Variants in FAM81A observed in about 807,000 individuals in gnomAD.
FAM81A encodes family with sequence similarity 81 member A, also known as protein FAM81A.
In FAM81A, 19 loss-of-function variants were observed where a neutral mutation model predicts 46.7. The ratio of observed to expected loss-of-function variants is 0.41; its 90% confidence interval spans 0.28 to 0.60. FAM81A has a LOEUF of 0.60. Ranked by LOEUF, FAM81A falls within the 20% of genes least tolerant of loss-of-function variation. The probability of loss-of-function intolerance (pLI) is 0.34; values close to 1 mark genes in which losing one functional copy is unlikely to be tolerated. For synonymous variants in FAM81A, 183 were observed against 152.9 expected, an observed-to-expected ratio of 1.20 and a Z score of -1.45; for missense variants, 377 against 453.5, an observed-to-expected ratio of 0.83 and a Z score of 1.53.
intron 2 of FAM81A, among the ~76,000 whole-genome samples, chr15:59,419,826 C>T (rs543091064): frequency 9.2e-5 from 14 of 151,424 alleles, no homozygotes; most frequent in African/African-American, 1.9e-4. Flanking sequence ...TGCAGGGAGC[C>T]GAGATCACAC....
chr15:59,478,293 G>T (rs137945962), intron 3 of FAM81A, among the ~76,000 whole-genome samples: 2 of 152,322 alleles, frequency 1.3e-5, no homozygotes, highest in African/African-American at 4.8e-5. Context: ...CTTTAACCTA[G>T]TTGGGTTATG....
intron 6 of FAM81A, among the ~76,000 whole-genome samples, chr15:59,513,875 A>T (rs991268035): frequency 2.0e-5 from 3 of 152,250 alleles, no homozygotes; most frequent in Non-Finnish European, 4.4e-5. Context: ...GTACTTATAT[A>T]GCATGGAATA....
At chr15:59,411,786 A>G (rs1293463042) in intron 2 of FAM81A, among the ~76,000 whole-genome samples, 1 of 152,120 alleles carries the variant, frequency 6.6e-6, no homozygotes, top group African/African-American at 2.4e-5. Flanking sequence ...CATGGCAGGC[A>G]CCTGTAGTCC....
chr15:59,438,239 C>T lies in FAM81A; in HGVS notation c.-121C>T, dbSNP rs2081257705. On this transcript the variant is annotated 5_prime_UTR_variant, in exon 1 of 9. Transcript: ENST00000288228. ...CAGCGGCCGCCGCACCCAGCCGCGC[C>T]GGCGAGGACATGGGCAGCCGCGGCG... 1 of 149,236 alleles carries T rather than the reference C, an allele frequency of 6.7e-6. No individual in the cohort carries two copies. The highest frequency in any genetic ancestry group is 2.1e-4 in the South Asian group (1 of 4,826). The allele number at this position is 149,236 out of a possible 1,614,324, so 9.2% of individuals were successfully genotyped here.
chr15:59,505,929 G>A (rs1369478101), intron 4 of FAM81A, among the ~76,000 whole-genome samples: 2 of 152,036 alleles, frequency 1.3e-5, no homozygotes, highest in Admixed American at 6.6e-5. Context: ...TGAATGTCTG[G>A]CCATCTCTTA....
At chr15:59,404,620 C>A (rs2081086428) in intron 2 of FAM81A, among the ~76,000 whole-genome samples, 2 of 152,184 alleles carry the variant, frequency 1.3e-5, no homozygotes, top group South Asian at 4.1e-4. Context: ...CTACACCCAC[C>A]TCATTTTTGT....
intron 2 of FAM81A, among the ~76,000 whole-genome samples, chr15:59,405,484 G>A (rs2081090077): frequency 3.3e-5 from 5 of 151,996 alleles, no homozygotes; most frequent in Non-Finnish European, 1.5e-5. Context: ...GTACTAAAAA[G>A]ATGAAAATTA....
intron 2 of FAM81A, among the ~76,000 whole-genome samples, chr15:59,404,226 T>G (rs1417973033): frequency 6.6e-6 from 1 of 151,834 alleles, no homozygotes; most frequent in Non-Finnish European, 1.5e-5. Flanking sequence ...ACCCATTGAT[T>G]CTCAGGGCAA....
intron 1 of FAM81A, among the ~76,000 whole-genome samples, chr15:59,398,905 C>G (rs2081058635): frequency 6.6e-6 from 1 of 151,840 alleles, no homozygotes; most frequent in Admixed American, 6.6e-5. Context: ...TATGATGGCT[C>G]ACGCCTGTAA....
intron 1 of FAM81A, among the ~76,000 whole-genome samples, chr15:59,440,681 C>A (rs953379513): frequency 6.6e-6 from 1 of 152,158 alleles, no homozygotes; most frequent in Non-Finnish European, 1.5e-5. Context: ...CTGATACTAC[C>A]CACATACTGC....
intron 3 of FAM81A, among the ~76,000 whole-genome samples, chr15:59,461,669 G>A (rs892195796): frequency 6.6e-6 from 1 of 152,044 alleles, no homozygotes; most frequent in Non-Finnish European, 1.5e-5. Flanking sequence ...ACATATCCTA[G>A]CATGTATCAT....
chr15:59,469,696 G>T (rs2081660229), intron 3 of FAM81A, among the ~76,000 whole-genome samples: 1 of 151,922 alleles, frequency 6.6e-6, no homozygotes, highest in African/African-American at 2.4e-5. Flanking sequence ...CTTTTAATTG[G>T]GGCATTTAGC....
upstream of FAM81A, among the ~76,000 whole-genome samples, chr15:59,435,668 C>G (rs1217911919): frequency 6.6e-6 from 1 of 152,138 alleles, no homozygotes; most frequent in Non-Finnish European, 1.5e-5. Context: ...GCATAATATA[C>G]TGAACAAATT....
intron 2 of FAM81A, among the ~76,000 whole-genome samples, chr15:59,410,925 A>G (rs74575890): frequency 0.017 from 2,641 of 152,040 alleles, 85 homozygotes; most frequent in African/African-American, 0.061. Flanking sequence ...TAATTTTTGT[A>G]TTTTTAGTAG....
chr15:59,447,979 T>TGGTCAAGCAGTCTTCC (rs1667521592), intron 1 of FAM81A, among the ~76,000 whole-genome samples: 1 of 152,128 alleles, frequency 6.6e-6, no homozygotes, highest in African/African-American at 2.4e-5. Flanking sequence ...TGCTGGCCCA[T>TGGTCAAGCAGTCTTCC]GGTCAAGCAG....
At chr15:59,449,589 G>C (rs1473856982) in intron 1 of FAM81A, among the ~76,000 whole-genome samples, 1 of 151,990 alleles carries the variant, frequency 6.6e-6, no homozygotes, top group Non-Finnish European at 1.5e-5. Flanking sequence ...AGACCATCCT[G>C]GCTAACACAG....
At chr15:59,503,154 A>G (rs2082112811) in intron 4 of FAM81A, among the ~76,000 whole-genome samples, 1 of 149,428 alleles carries the variant, frequency 6.7e-6, no homozygotes, top group African/African-American at 2.5e-5. Context: ...AGGCAGGACA[A>G]TCGCTTGAGC....
At chr15:59,413,323 C>T (rs887047606) in intron 2 of FAM81A, among the ~76,000 whole-genome samples, 1 of 151,768 alleles carries the variant, frequency 6.6e-6, no homozygotes, top group Non-Finnish European at 1.5e-5. Context: ...AGGGCCCAGT[C>T]AGGGAGGTGG....
chr15:59,431,973 A>T (rs2081222478), intron 2 of FAM81A, among the ~76,000 whole-genome samples: 1 of 152,222 alleles, frequency 6.6e-6, no homozygotes, highest in Non-Finnish European at 1.5e-5. Flanking sequence ...CAAATATGGG[A>T]GGGAAAACAA....
Sources: allele counts gnomAD v4.1 joint callset (sites outside exome capture counted in the v4.1 genomes callset), GRCh38; gene constraint gnomAD v4.1.1; transcripts MANE v1.5; gene names NCBI Gene and HGNC (gene_info 2026-07-23, HGNC 2026-07-21).